The following COL22A1 variants were observed in gnomAD, a reference collection of about 807,000 sequenced individuals.
COL22A1 encodes the protein collagen type XXII alpha 1 chain, also known as collagen alpha-1(XXII) chain.
Under a neutral mutation model 248.9 loss-of-function variants are expected in COL22A1, and 221 were observed. The observed-to-expected ratio is 0.89, with a 90% CI of 0.80 to 0.99. The LOEUF is 0.99. Among genes scored for constraint, COL22A1 ranks in the 50% least tolerant of loss-of-function variants. The pLI, the probability that COL22A1 is intolerant of heterozygous loss-of-function variation, is 0.00. For synonymous variants in COL22A1, 891 were observed against 793.4 expected, an observed-to-expected ratio of 1.12 and a Z score of -2.07; for missense variants, 2,240 against 2,179.0, an observed-to-expected ratio of 1.03 and a Z score of -0.56.
At chr8:138,808,926 A>G (rs1490326321) in intron 9 of COL22A1, among the ~76,000 whole-genome samples, 1 of 152,274 alleles carries the variant, frequency 6.6e-6, no homozygotes, top group Non-Finnish European at 1.5e-5. Context: ...AACACCAGGC[A>G]TCATGTTGAC....
intron 12 of COL22A1, among the ~76,000 whole-genome samples, chr8:138,781,608 G>A (rs1273403913): frequency 1.3e-5 from 2 of 152,172 alleles, no homozygotes; most frequent in African/African-American, 2.4e-5. Context: ...GAATAAACAC[G>A]GTGCAGCTGT....
At chr8:138,805,371 G>GTGGATGTGTGATGGTGTGCGTGGGTA (rs1817439036) in intron 10 of COL22A1, among the ~76,000 whole-genome samples, 3 of 148,396 alleles carry the variant, frequency 2.0e-5, no homozygotes, top group South Asian at 4.4e-4. Context: ...GTGCATGGGT[G>GTGGATGTGTGATGGTGTGCGTGGGTA]TGTGATGGTG....
At chr8:138,770,850 G>T (rs185157569) in intron 16 of COL22A1, among the ~76,000 whole-genome samples, 2 of 152,164 alleles carry the variant, frequency 1.3e-5, no homozygotes, top group East Asian at 3.9e-4. Flanking sequence ...CAGAGGTGCG[G>T]GCTCATCCTC....
intron 1 of COL22A1, among the ~76,000 whole-genome samples, chr8:138,904,307 G>A (rs867700472): frequency 1.4e-4 from 21 of 151,902 alleles, no homozygotes; most frequent in African/African-American, 4.1e-4. Flanking sequence ...CCTCTCCAAC[G>A]GCCAACTTCC....
At chr8:138,780,827 G>A (rs1814901548) in intron 13 of COL22A1, 100 bp downstream of exon 13, 1 of 963,830 alleles carries the variant, frequency 1.0e-6, no homozygotes, top group Non-Finnish European at 1.7e-6. Flanking sequence ...CTCAAGTCTG[G>A]CCCTGGCAAT....
chr8:138,857,447 C>T (rs1297246573), intron 3 of COL22A1, among the ~76,000 whole-genome samples: 3 of 152,208 alleles, frequency 2.0e-5, no homozygotes, highest in African/African-American at 7.2e-5. Flanking sequence ...GCCCCCGAGG[C>T]CGATCCATGC....
intron 58 of COL22A1, among the ~76,000 whole-genome samples, chr8:138,605,656 A>G (rs1366273393): frequency 1.3e-5 from 2 of 152,252 alleles, no homozygotes; most frequent in South Asian, 2.1e-4. Flanking sequence ...CTACTCTGGT[A>G]TGTTACATGC....
intron 16 of COL22A1, among the ~76,000 whole-genome samples, chr8:138,768,525 G>C (rs73361020): frequency 6.6e-6 from 1 of 152,118 alleles, no homozygotes; most frequent in Non-Finnish European, 1.5e-5. Flanking sequence ...CAATCACAAC[G>C]GACTCGTTTA....
chr8:138,783,004 T>G (rs1418109607), intron 12 of COL22A1, among the ~76,000 whole-genome samples: 14 of 152,180 alleles, frequency 9.2e-5, no homozygotes, highest in Non-Finnish European at 1.5e-4. Context: ...GACTTACTTG[T>G]AAGTTGCTTG....
In COL22A1 at chr8:138,688,446, G is replaced by A. The variant is rs988343204; in HGVS notation, c.2862+471C>T. On this transcript the variant is annotated intron_variant, in intron 37 of 64. Coordinates refer to ENST00000303045, the MANE Select transcript of COL22A1 (RefSeq NM_152888.3). ...TGAGACATGAGAATTGCTTGAACCC[G>A]GGAGGCAGAGGTTGTAGTGAGTGGA... Among the ~76,000 whole-genome samples the A allele has an allele frequency of 6.6e-5, 10 of 152,052 alleles. No individual in the cohort carries two copies. In the South Asian group the frequency reaches 1.5e-3, roughly 22 times the overall value.
chr8:138,864,916 C>A (rs111950655), intron 3 of COL22A1, among the ~76,000 whole-genome samples: 67 of 152,346 alleles, frequency 4.4e-4, no homozygotes, highest in South Asian at 8.3e-4. Flanking sequence ...ATTGGGTGCT[C>A]AGGGGAGCCA....
chr8:138,650,839 T>C (rs897346280), intron 45 of COL22A1, among the ~76,000 whole-genome samples: 1 of 152,184 alleles, frequency 6.6e-6, no homozygotes, highest in Non-Finnish European at 1.5e-5. Flanking sequence ...AGTCACCTAC[T>C]ATGTGTCAGG....
chr8:138,877,650 A>AGCCG, intron 3 of COL22A1, 100 bp downstream of exon 3: 4 of 1,244,022 alleles, frequency 3.2e-6, no homozygotes, highest in Non-Finnish European at 4.4e-6. Context: ...GCCTTCCTGG[A>AGCCG]GCCGGCCGTA....
chr8:138,683,935 C>T (rs775054087), intron 39 of COL22A1, among the ~76,000 whole-genome samples: 1 of 152,126 alleles, frequency 6.6e-6, no homozygotes, highest in African/African-American at 2.4e-5. Context: ...TATATGACAA[C>T]TACTTCAATG....
intron 2 of COL22A1, among the ~76,000 whole-genome samples, chr8:138,878,994 C>A (rs981777318): frequency 2.3e-5 from 3 of 129,382 alleles, no homozygotes; most frequent in African/African-American, 8.2e-5. Flanking sequence ...GGCGACAGAG[C>A]GAGACTCTGT....
chr8:138,714,139 G>T (rs931470986), intron 30 of COL22A1, among the ~76,000 whole-genome samples: 7 of 152,200 alleles, frequency 4.6e-5, no homozygotes, highest in African/African-American at 1.7e-4. Flanking sequence ...AAAGGCAAGT[G>T]GCAGTCTGGA....
rs549014977 is a variant in COL22A1 at position 138,906,870 on chromosome 8, C to A, written c.-73+6749G>T. Among the ~76,000 whole-genome samples the A allele has an allele frequency of 2.6e-5, 4 of 152,286 alleles. No individual in the cohort carries two copies. In the East Asian group the frequency reaches 7.7e-4, roughly 29 times the overall value. On this transcript the variant is annotated intron_variant, in intron 1 of 64. Transcript: ENST00000303045. ...GTTTTGCCATGTTGGCCAGGCTGGT[C>A]TCGAACTCCTGACCTCAAGTGATCC... is the stretch of plus-strand genomic sequence containing the variant.
chr8:138,654,041 T>C (rs1328854060), intron 45 of COL22A1, among the ~76,000 whole-genome samples: 3 of 152,180 alleles, frequency 2.0e-5, no homozygotes, highest in Non-Finnish European at 4.4e-5. Context: ...AGTGAGGAAA[T>C]ATTGATTTGA....
intron 3 of COL22A1, among the ~76,000 whole-genome samples, chr8:138,871,975 T>C (rs938711826): frequency 3.3e-5 from 5 of 152,174 alleles, no homozygotes; most frequent in African/African-American, 1.2e-4. Context: ...CTAATCTCCC[T>C]GATCATGGCC....
Sources: allele counts gnomAD v4.1 joint callset (sites outside exome capture counted in the v4.1 genomes callset), GRCh38; gene constraint gnomAD v4.1.1; transcripts MANE v1.5; gene names NCBI Gene and HGNC (gene_info 2026-07-23, HGNC 2026-07-21).